Variants in EPHA6 observed in about 807,000 individuals in gnomAD.
EPHA6 encodes ephrin type-A receptor 6.
In EPHA6, 50 loss-of-function variants were observed where a neutral mutation model predicts 112.0. The ratio of observed to expected loss-of-function variants is 0.45; its 90% CI spans 0.36 to 0.56. The LOEUF is 0.56. EPHA6 is among the 20% of genes least tolerant of loss of function. The pLI, the probability that EPHA6 is intolerant of heterozygous loss-of-function variation, is 0.00. For synonymous variants in EPHA6, 529 were observed against 490.7 expected, an observed-to-expected ratio of 1.08 and a Z score of -1.03; for missense variants, 1,280 against 1,417.4, an observed-to-expected ratio of 0.90 and a Z score of 1.56.
chr3:97,274,336 A>G lies in EPHA6; in HGVS notation c.1606+30049A>G, dbSNP rs2079994095. ...TAGCTGCTTGTCTAGCCACCTTAGC[A>G]TAAACATTGCCTAGAGCAAAGGGAT... On this transcript the variant is annotated intron_variant, in intron 5 of 17. Coordinates refer to ENST00000389672, the MANE Select transcript of EPHA6 (RefSeq NM_001080448.3). Among the ~76,000 whole-genome samples the G allele has an allele frequency of 2.0e-5, 3 of 152,328 alleles. 1 individual carries two copies. In the South Asian group the frequency reaches 6.2e-4, roughly 32 times the overall value.
intron 4 of EPHA6, among the ~76,000 whole-genome samples, chr3:97,228,553 AT>A (rs529329435): frequency 3.2e-3 from 476 of 150,980 alleles, no homozygotes; most frequent in African/African-American, 0.011. Context: ...ATATATATAT[AT>A]ATAATGTAAA....
At position 96,952,950 on chromosome 3, in the gene EPHA6, A is replaced by G. The variant is rs115184830; in HGVS notation, c.451-34380A>G. Among the ~76,000 whole-genome samples, 1,091 of 152,294 alleles carry G rather than the reference A, an allele frequency of 7.2e-3. 10 individuals carry two copies. Among genetic ancestry groups the G allele is most frequent in the African/African-American group, 0.025 (1,022 of 41,560 alleles). On this transcript the variant is annotated intron_variant, in intron 2 of 17. Coordinates refer to ENST00000389672, the MANE Select transcript of EPHA6 (RefSeq NM_001080448.3). ...CCTGGGTGATGAAATAATCTGTTCA[A>G]CAAACCCCCGTGACACGAGTTTACC... is the stretch of plus-strand genomic sequence containing the variant.
At chr3:97,223,482 T>C (rs904017985) in intron 3 of EPHA6, among the ~76,000 whole-genome samples, 1 of 152,306 alleles carries the variant, frequency 6.6e-6, no homozygotes, top group Non-Finnish European at 1.5e-5. Context: ...GTGTCCAAGA[T>C]TCTGGAAAAG....
chr3:97,314,761 G>A (rs1327706929), intron 5 of EPHA6, among the ~76,000 whole-genome samples: 1 of 151,526 alleles, frequency 6.6e-6, no homozygotes, highest in South Asian at 2.1e-4. Flanking sequence ...TAGAAGTTAA[G>A]TTGAAGATGG....
chr3:96,857,777 T>G (rs1367604682), intron 1 of EPHA6, among the ~76,000 whole-genome samples: 3 of 151,898 alleles, frequency 2.0e-5, no homozygotes, highest in African/African-American at 7.2e-5. Context: ...CAACACATAA[T>G]TTTTAGGCAG....
chr3:97,289,220 C>G (rs148689846), intron 5 of EPHA6, among the ~76,000 whole-genome samples: 1 of 151,984 alleles, frequency 6.6e-6, no homozygotes, highest in Non-Finnish European at 1.5e-5. Flanking sequence ...TTAGGTCTTA[C>G]GTTTAAATCT....
chr3:97,630,125 G>A (rs2093890843), intron 13 of EPHA6, among the ~76,000 whole-genome samples: 1 of 151,258 alleles, frequency 6.6e-6, no homozygotes, highest in South Asian at 2.1e-4. Context: ...TTCTTCCTAG[G>A]TTTTTAGGTG....
chr3:97,637,994 T>C lies in EPHA6; in HGVS notation c.2696T>C (p.Leu899Pro). The stretch of plus-strand genomic sequence containing the variant: ...CGAGACCTAGCGGCTCGGAATATAC[T>C]GGTCAATAGCAACTTAGTATGCAAA... ...VHRDLAARNI[L>P]VNSNLVCKVS... is the part of the protein sequence containing the mutation. The change falls in exon 14 of 18, where the codon CTG (leucine) becomes CCG (proline). Residue 899 changes from leucine to proline, a missense_variant. Coordinates refer to ENST00000389672, the MANE Select transcript of EPHA6 (RefSeq NM_001080448.3). 4 of 1,613,960 alleles carry C rather than the reference T, an allele frequency of 2.5e-6. No individual in the cohort carries two copies. The highest frequency in any genetic ancestry group is 3.4e-6 in the Non-Finnish European group (4 of 1,179,848).
At chr3:97,745,595 C>A (rs1353140623) in intron 16 of EPHA6, 2 of 215,730 alleles carry the variant, frequency 9.3e-6, no homozygotes, top group Non-Finnish European at 9.4e-6. Flanking sequence ...TAATTCCAAT[C>A]ATATATAAAG....
At chr3:97,559,717 C>T in intron 11 of EPHA6, 1 of 428,608 alleles carries the variant, frequency 2.3e-6, no homozygotes, top group Non-Finnish European at 4.6e-6. Context: ...GTGAAGCTTC[C>T]TTATTTTTTG....
chr3:97,043,238 G>A (rs1260454385), intron 3 of EPHA6, among the ~76,000 whole-genome samples: 1 of 152,080 alleles, frequency 6.6e-6, no homozygotes, highest in Non-Finnish European at 1.5e-5. Flanking sequence ...TAGGACCAGA[G>A]AGAAGATGTA....
chr3:96,815,337 A>C (rs1356067854), intron 1 of EPHA6, among the ~76,000 whole-genome samples: 1 of 152,062 alleles, frequency 6.6e-6, no homozygotes, highest in Non-Finnish European at 1.5e-5. Context: ...GCACAGACTT[A>C]ATGGAGACTT....
chr3:97,050,173 G>A (rs1023120592), intron 3 of EPHA6, among the ~76,000 whole-genome samples: 7 of 152,122 alleles, frequency 4.6e-5, no homozygotes, highest in Admixed American at 1.3e-4. Flanking sequence ...GGGCAGGTTA[G>A]GATCACAGCG....
chr3:97,491,193 C>A (rs191155590), intron 10 of EPHA6, among the ~76,000 whole-genome samples: 24 of 152,284 alleles, frequency 1.6e-4, no homozygotes, highest in African/African-American at 5.1e-4. Flanking sequence ...CACACAAGGA[C>A]AGGAATACCA....
intron 14 of EPHA6, among the ~76,000 whole-genome samples, chr3:97,692,353 G>A (rs530023116): frequency 4.9e-4 from 74 of 152,218 alleles, no homozygotes; most frequent in African/African-American, 1.8e-3. Flanking sequence ...TCTGGAATAT[G>A]TAATAAACCT....
At chr3:96,942,063 G>A (rs2040986321) in intron 2 of EPHA6, among the ~76,000 whole-genome samples, 1 of 152,182 alleles carries the variant, frequency 6.6e-6, no homozygotes, top group Non-Finnish European at 1.5e-5. Context: ...CGGGGGTCAG[G>A]GACCCACTTG....
intron 10 of EPHA6, among the ~76,000 whole-genome samples, chr3:97,497,079 C>T (rs772745153): frequency 2.0e-5 from 3 of 152,178 alleles, no homozygotes; most frequent in Non-Finnish European, 4.4e-5. Context: ...TCTACCACTC[C>T]GTGGTATGTT....
intron 3 of EPHA6, among the ~76,000 whole-genome samples, chr3:97,096,950 T>C (rs1260684367): frequency 6.6e-6 from 1 of 151,788 alleles, no homozygotes; most frequent in Non-Finnish European, 1.5e-5. Context: ...TAATGTTTCC[T>C]CCATTTTAGT....
At chr3:97,160,167 A>G (rs2076379810) in intron 3 of EPHA6, among the ~76,000 whole-genome samples, 1 of 152,182 alleles carries the variant, frequency 6.6e-6, no homozygotes, top group Admixed American at 6.5e-5. Flanking sequence ...GTGGCCGGGA[A>G]AAAAGTCTGA....
Sources: allele counts gnomAD v4.1 joint callset (sites outside exome capture counted in the v4.1 genomes callset), GRCh38; gene constraint gnomAD v4.1.1; transcripts MANE v1.5; gene names NCBI Gene and HGNC (gene_info 2026-07-23, HGNC 2026-07-21).